GRIK1: variants seen among roughly 807,000 people sequenced by gnomAD.
GRIK1 encodes glutamate receptor ionotropic, kainate 1.
In GRIK1, 69 loss-of-function variants were observed where a neutral mutation model predicts 105.7. The observed-to-expected ratio is 0.65, with a 90% CI of 0.54 to 0.80. The LOEUF (loss-of-function observed/expected upper bound fraction) is 0.80, where lower values mean the gene tolerates loss of function less well. Among genes scored for constraint, GRIK1 ranks in the 30% least tolerant of loss-of-function variants. The pLI, the probability that GRIK1 is intolerant of heterozygous loss-of-function variation, is 0.00. For missense variants in GRIK1, 1,109 were observed against 1,167.3 expected (o/e 0.95, Z 0.73); for synonymous variants, 438 against 431.3 (o/e 1.02, Z -0.19).
intron 7 of GRIK1, among the ~76,000 whole-genome samples, chr21:29,614,944 G>A (rs576890620): frequency 1.8e-4 from 27 of 151,490 alleles, no homozygotes; most frequent in Non-Finnish European, 2.4e-4. Context: ...TAGAAAGCGA[G>A]CATCACAAAG....
At chr21:29,939,328 C>G in intron 1 of GRIK1, 55 bp downstream of exon 1, 7 of 1,054,104 alleles carry the variant, frequency 6.6e-6, no homozygotes, top group Non-Finnish European at 8.6e-6. Context: ...GCTACACCCG[C>G]GTTGGTGCGG....
At chr21:29,675,718 A>T (rs924889965) in intron 3 of GRIK1, among the ~76,000 whole-genome samples, 24 of 152,212 alleles carry the variant, frequency 1.6e-4, no homozygotes, top group African/African-American at 5.8e-4. Context: ...CTCTTGAGGT[A>T]GATGAGGCAT....
chr21:29,656,283 A>C (rs2062846263), intron 4 of GRIK1, among the ~76,000 whole-genome samples: 1 of 138,248 alleles, frequency 7.2e-6, no homozygotes, highest in African/African-American at 2.7e-5. Flanking sequence ...AACGGCGTGA[A>C]CCCGGGGGCG....
chr21:29,762,939 G>A (rs950969605), intron 1 of GRIK1, among the ~76,000 whole-genome samples: 7 of 152,214 alleles, frequency 4.6e-5, no homozygotes, highest in Non-Finnish European at 1.0e-4. Context: ...ATGAGAAAAC[G>A]ATGTAAAGCC....
chr21:29,884,071 A>G (rs971780618), intron 1 of GRIK1, among the ~76,000 whole-genome samples: 6 of 152,018 alleles, frequency 3.9e-5, no homozygotes, highest in African/African-American at 1.4e-4. Context: ...CATTTTATAC[A>G]GGGAAACACA....
At chr21:29,856,490 G>A (rs1240717084) in intron 1 of GRIK1, among the ~76,000 whole-genome samples, 1 of 152,124 alleles carries the variant, frequency 6.6e-6, no homozygotes, top group Non-Finnish European at 1.5e-5. Context: ...GAAATAAAAA[G>A]CCACACACAA....
At chr21:29,928,186 G>A (rs2040496889) in intron 1 of GRIK1, among the ~76,000 whole-genome samples, 1 of 152,168 alleles carries the variant, frequency 6.6e-6, no homozygotes, top group African/African-American at 2.4e-5. Context: ...TCAAAGGGTT[G>A]GACATCCATG....
chr21:29,539,515 A>G (rs1198394513), intron 16 of GRIK1, among the ~76,000 whole-genome samples: 2 of 152,218 alleles, frequency 1.3e-5, no homozygotes, highest in East Asian at 3.8e-4. Context: ...TCCACTGCAA[A>G]GTCAAAAAAT....
rs528533567 is a variant in GRIK1 at position 29,878,988 on chromosome 21, G to A, written c.118+60395C>T. Among the ~76,000 whole-genome samples, 15 of 152,174 alleles carry A rather than the reference G, an allele frequency of 9.9e-5. No homozygotes were observed. The South Asian group carries it at 2.7e-3, about 27-fold the overall frequency. On this transcript the variant is annotated intron_variant, in intron 1 of 17. Coordinates refer to ENST00000327783, the MANE Select transcript of GRIK1 (RefSeq NM_001330994.2). ...CATTTCTATTGTTTGTACGTCACTC[G>A]TTTTATGGTCCTTTGTCATAGCAGC... is the stretch of plus-strand genomic sequence containing the variant.
intron 1 of GRIK1, among the ~76,000 whole-genome samples, chr21:29,847,927 T>TCACA (rs1211764745): frequency 6.6e-6 from 1 of 151,900 alleles, no homozygotes; most frequent in Non-Finnish European, 1.5e-5. Flanking sequence ...TCTCTCTCTC[T>TCACA]CTCACACACA....
chr21:29,768,637 T>C (rs531041721), intron 1 of GRIK1, among the ~76,000 whole-genome samples: 1 of 152,190 alleles, frequency 6.6e-6, no homozygotes. Context: ...CATGGGCATA[T>C]GTGCAGGGGG....
intron 1 of GRIK1, among the ~76,000 whole-genome samples, chr21:29,720,656 C>T (rs2064296760): frequency 6.6e-6 from 1 of 152,154 alleles, no homozygotes; most frequent in Non-Finnish European, 1.5e-5. Context: ...GTCACCTCTT[C>T]TACTTCGCCT....
In GRIK1 at chr21:29,631,384, A is replaced by C. The variant is rs2062268589; in HGVS notation, c.1098+11442T>G. Among the ~76,000 whole-genome samples the C allele has an allele frequency of 3.3e-5, 5 of 152,236 alleles. No individual in the cohort carries two copies. In the South Asian group the frequency reaches 1.0e-3, roughly 31 times the overall value. ...AGTGTCCTTGTAAGAAGAGACATAC[A>C]GCAGTGCTGCTTCTCTTTATTATGT... is the stretch of plus-strand genomic sequence containing the variant. On this transcript the variant is annotated intron_variant, in intron 7 of 17. Transcript: ENST00000327783.
chr21:29,883,156 A>T (rs1041857922), intron 1 of GRIK1, among the ~76,000 whole-genome samples: 2 of 152,072 alleles, frequency 1.3e-5, no homozygotes, highest in Non-Finnish European at 2.9e-5. Context: ...AGGTAACTTA[A>T]CCCATTTAGT....
intron 1 of GRIK1, among the ~76,000 whole-genome samples, chr21:29,881,409 G>A (rs982720346): frequency 2.6e-5 from 4 of 152,048 alleles, no homozygotes; most frequent in African/African-American, 9.7e-5. Context: ...TCCAGAGTTT[G>A]GAGATACTCA....
chr21:29,823,181 A>G (rs1366072347), intron 1 of GRIK1, among the ~76,000 whole-genome samples: 1 of 152,008 alleles, frequency 6.6e-6, no homozygotes, highest in Non-Finnish European at 1.5e-5. Context: ...TTGGTAGAAT[A>G]TGTGTATTTA....
At chr21:29,653,146 GA>G (rs577814733) in intron 5 of GRIK1, among the ~76,000 whole-genome samples, 113 of 152,278 alleles carry the variant, frequency 7.4e-4, no homozygotes, top group African/African-American at 2.7e-3. Flanking sequence ...AAGGATGAAA[GA>G]AGCAAAGTTA....
At chr21:29,751,658 C>T (rs1014629291) in intron 1 of GRIK1, among the ~76,000 whole-genome samples, 1 of 152,178 alleles carries the variant, frequency 6.6e-6, no homozygotes, top group Non-Finnish European at 1.5e-5. Context: ...TTTGCTAATG[C>T]CTCTCAGCCT....
intron 7 of GRIK1, among the ~76,000 whole-genome samples, chr21:29,631,694 G>A (rs1256535664): frequency 6.6e-6 from 1 of 151,932 alleles, no homozygotes; most frequent in African/African-American, 2.4e-5. Flanking sequence ...AAAGACTTAT[G>A]AAAAAAAGTA....
Sources: gnomAD v4.1 joint callset for allele counts (sites outside exome capture counted in the v4.1 genomes callset) on GRCh38, gnomAD v4.1.1 for gene constraint, MANE v1.5 for transcripts, NCBI Gene and HGNC (gene_info 2026-07-23, HGNC 2026-07-21) for gene names.